SCAPER: variants seen among roughly 807,000 people sequenced by gnomAD.
The protein encoded by SCAPER is S-phase cyclin A associated protein in the ER, also known as S phase cyclin A-associated protein in the endoplasmic reticulum.
In SCAPER, 98 loss-of-function variants were observed where a neutral mutation model predicts 182.2. That is an observed-to-expected ratio of 0.54 (90% CI 0.46 to 0.64). The LOEUF is 0.64. SCAPER is among the 30% of genes least tolerant of loss of function. The pLI, the probability that SCAPER is intolerant of heterozygous loss-of-function variation, is 0.00. For missense variants in SCAPER, 1,432 were observed against 1,690.0 expected (o/e 0.85, Z 2.68); for synonymous variants, 605 against 564.6 (o/e 1.07, Z -1.01).
intron 26 of SCAPER, among the ~76,000 whole-genome samples, chr15:76,422,214 T>C (rs2046097989): frequency 1.3e-5 from 2 of 152,220 alleles, no homozygotes; most frequent in South Asian, 2.1e-4. Flanking sequence ...TTGGGCAGTA[T>C]GGCCATTTTC....
Position 76,841,831 on chromosome 15 carries a change from C to T in SCAPER, c.296G>A (p.Arg99Lys). ...KTRHPRKIDL[R>K]ARYWAFLFDN... is the part of the protein sequence containing the mutation. ...AAAAAGAAATGCCCAGTATCGAGCT[C>T]TTAGATCAATTTTCCGAGGGTGCCT... The change falls in exon 5 of 32, where the codon AGA (arginine) becomes AAA (lysine). Residue 99 changes from arginine (R) to lysine (K), a missense_variant. By Grantham distance (26) the Arg-to-Lys change is conservative (BLOSUM62 2). This residue lies in a region of SCAPER where 480 missense variants were observed against 510.2 expected (regional missense o/e 0.94). Transcript: ENST00000563290. The T allele has an allele frequency of 6.2e-7, 1 of 1,613,874 alleles. No homozygotes were observed. The highest frequency in any genetic ancestry group is 8.5e-7 in the Non-Finnish European group (1 of 1,179,850).
At chr15:76,462,806 A>G (rs2049294514) in intron 25 of SCAPER, among the ~76,000 whole-genome samples, 2 of 152,180 alleles carry the variant, frequency 1.3e-5, no homozygotes, top group Admixed American at 1.3e-4. Flanking sequence ...GTAAAGCTCT[A>G]TACACACAAC....
At chr15:76,459,072 T>C (rs1019122476) in intron 25 of SCAPER, among the ~76,000 whole-genome samples, 1 of 152,016 alleles carries the variant, frequency 6.6e-6, no homozygotes, top group Non-Finnish European at 1.5e-5. Context: ...TTCTTTTTTA[T>C]TTTTTGTAGA....
chr15:76,665,386 T>C (rs535842364), intron 21 of SCAPER, among the ~76,000 whole-genome samples: 2 of 152,326 alleles, frequency 1.3e-5, no homozygotes, highest in South Asian at 2.1e-4. Context: ...TTAAACATAC[T>C]ATTGTATGCT....
At chr15:76,370,305 T>TGTTTG (rs2042070701) in intron 29 of SCAPER, among the ~76,000 whole-genome samples, 1 of 146,902 alleles carries the variant, frequency 6.8e-6, no homozygotes, top group African/African-American at 2.6e-5. Context: ...TTTTTTTTTT[T>TGTTTG]TTTTTTTTTT....
At chr15:76,493,601 A>C (rs531327999) in intron 24 of SCAPER, among the ~76,000 whole-genome samples, 46 of 152,350 alleles carry the variant, frequency 3.0e-4, no homozygotes, top group African/African-American at 1.0e-3. Context: ...CTAGTGCTAG[A>C]GCATTATTTT....
At chr15:76,785,085 G>C (rs1001297594) in intron 8 of SCAPER, among the ~76,000 whole-genome samples, 2 of 152,178 alleles carry the variant, frequency 1.3e-5, no homozygotes, top group African/African-American at 4.8e-5. Flanking sequence ...CCGTCAGAGT[G>C]AACAGGCATC....
At chr15:76,792,670 T>A (rs1269041692) in intron 8 of SCAPER, among the ~76,000 whole-genome samples, 1 of 152,200 alleles carries the variant, frequency 6.6e-6, no homozygotes, top group African/African-American at 2.4e-5. Flanking sequence ...TGAGAGACCA[T>A]GTGAAGAGAA....
intron 20 of SCAPER, among the ~76,000 whole-genome samples, chr15:76,687,656 G>T (rs752342166): frequency 8.5e-5 from 13 of 152,118 alleles, no homozygotes; most frequent in Non-Finnish European, 1.5e-4. Flanking sequence ...TGTTCTCGTT[G>T]TTCAGCTCCC....
chr15:76,852,809 A>G (rs2070891462), intron 4 of SCAPER, among the ~76,000 whole-genome samples: 1 of 152,196 alleles, frequency 6.6e-6, no homozygotes, highest in Non-Finnish European at 1.5e-5. Flanking sequence ...ATCAACCCCA[A>G]AACTAGCAGA....
chr15:76,874,642 TAACAAAAGGATATTATA>T (rs1214843651), intron 2 of SCAPER, among the ~76,000 whole-genome samples: 2 of 152,010 alleles, frequency 1.3e-5, no homozygotes, highest in Non-Finnish European at 2.9e-5. Flanking sequence ...ATCAAAAAGA[TAACAAAAGGATATTATA>T]AATAAAATTG....
intron 22 of SCAPER, among the ~76,000 whole-genome samples, chr15:76,576,471 C>T (rs550764269): frequency 4.0e-4 from 61 of 152,248 alleles, no homozygotes; most frequent in South Asian, 1.5e-3. Context: ...ATTTGAAAAA[C>T]GCAAAAACTG....
At chr15:76,448,730 G>A (rs1013286062) in intron 25 of SCAPER, among the ~76,000 whole-genome samples, 1 of 152,122 alleles carries the variant, frequency 6.6e-6, no homozygotes, top group Non-Finnish European at 1.5e-5. Context: ...AACCAAAGGA[G>A]GGGAGACTTT....
At chr15:76,670,291 C>T (rs951794064) in intron 20 of SCAPER, among the ~76,000 whole-genome samples, 2 of 151,842 alleles carry the variant, frequency 1.3e-5, no homozygotes, top group African/African-American at 4.8e-5. Context: ...AATAGGTTCT[C>T]CCATTTATGA....
At chr15:76,883,461 G>A (rs963259981) in intron 2 of SCAPER, among the ~76,000 whole-genome samples, 1 of 152,196 alleles carries the variant, frequency 6.6e-6, no homozygotes, top group South Asian at 2.1e-4. Flanking sequence ...CTAGCCCAGG[G>A]AGAGTAGGTT....
At chr15:76,837,085 A>C (rs895167711) in intron 5 of SCAPER, among the ~76,000 whole-genome samples, 2 of 152,174 alleles carry the variant, frequency 1.3e-5, no homozygotes, top group African/African-American at 4.8e-5. Flanking sequence ...AAAAGAAACA[A>C]TTAACAAAGT....
chr15:76,649,616 A>G (rs1329454899), intron 21 of SCAPER, among the ~76,000 whole-genome samples: 1 of 150,720 alleles, frequency 6.6e-6, no homozygotes, highest in East Asian at 1.9e-4. Context: ...TATACAGCAG[A>G]AAAGAAAAAA....
chr15:76,856,883 T>A (rs2071427534), intron 4 of SCAPER, among the ~76,000 whole-genome samples: 1 of 151,770 alleles, frequency 6.6e-6, no homozygotes, highest in Non-Finnish European at 1.5e-5. Context: ...TAAATTAAAT[T>A]AATAAAATAA....
At chr15:76,842,028 C>T in intron 4 of SCAPER, 97 bp from the exon 5 acceptor site, 1 of 1,067,126 alleles carries the variant, frequency 9.4e-7, no homozygotes, top group Non-Finnish European at 1.3e-6. Context: ...ATCAAAACTA[C>T]TCCAGAAATA....
Sources: gnomAD v4.1 joint callset for allele counts (sites outside exome capture counted in the v4.1 genomes callset) on GRCh38, gnomAD v4.1.1 for gene constraint, gnomAD v4.1.1 regional missense constraint, MANE v1.5 for transcripts, NCBI Gene and HGNC (gene_info 2026-07-23, HGNC 2026-07-21) for gene names.